Variants in PRCP observed in about 807,000 individuals in gnomAD.
PRCP encodes lysosomal Pro-X carboxypeptidase.
In PRCP, 46 loss-of-function variants were observed where a neutral mutation model predicts 54.2. The observed-to-expected ratio is 0.85, with a 90% CI of 0.67 to 1.09. The LOEUF is 1.09. Ranked by LOEUF, PRCP falls within the 50% of genes least tolerant of loss-of-function variation. The pLI is 0.00. For missense variants in PRCP, 613 were observed against 596.8 expected, an observed-to-expected ratio of 1.03 and a Z score of -0.28; for synonymous variants, 240 against 212.2, an observed-to-expected ratio of 1.13 and a Z score of -1.14.
At chr11:82,865,284 A>C (rs1391438526) in intron 1 of PRCP, among the ~76,000 whole-genome samples, 1 of 152,230 alleles carries the variant, frequency 6.6e-6, no homozygotes, top group Non-Finnish European at 1.5e-5. Context: ...GATAAAGCTG[A>C]CTATAAACTT....
chr11:82,871,521 C>T (rs4280021), intron 1 of PRCP, among the ~76,000 whole-genome samples: 83,030 of 152,024 alleles, frequency 0.55, 23,465 homozygotes, highest in African/African-American at 0.69. Flanking sequence ...ATTCTCCTGA[C>T]ACCACTGTTA....
In PRCP at chr11:82,842,753, C is replaced by T. The variant is rs3793984; in HGVS notation, c.922-3328G>A. 1.2e-4 allele frequency among the ~76,000 whole-genome samples: 18 copies of T among 151,998 alleles called. No individual in the cohort carries two copies. In the East Asian group the frequency reaches 3.5e-3, roughly 29 times the overall value. On this transcript the variant is annotated intron_variant, in intron 6 of 8. Coordinates refer to ENST00000313010, the MANE Select transcript of PRCP (RefSeq NM_005040.4). ...TTCTACTACTATGCTAGATAGAAAG[C>T]CTGAAAAAATGTCACTTAAAATTTT...
intron 1 of PRCP, among the ~76,000 whole-genome samples, chr11:82,876,658 T>C (rs1859609044): frequency 6.6e-6 from 1 of 152,124 alleles, no homozygotes; most frequent in African/African-American, 2.4e-5. Flanking sequence ...TTCCTCATTT[T>C]CTCTTGCCGC....
At position 82,825,310 on chromosome 11, in the gene PRCP, C is replaced by T. The variant is rs144521142; in HGVS notation, c.1275-188G>A. The stretch of plus-strand genomic sequence containing the variant: ...ATACTGGAGTTTTGCAATATTCATG[C>T]AACCAGGTGCAAAAAAAGAACCAGA... On this transcript the variant is annotated intron_variant, in intron 8 of 8. Transcript: ENST00000313010. 2.7e-4 allele frequency: 161 copies of T among 586,060 alleles called. No individual in the cohort carries two copies. In the African/African-American group the frequency reaches 2.8e-3, roughly 10 times the overall value. The allele number at this position is 586,060 out of a possible 1,614,324, so 36.3% of individuals were successfully genotyped here.
At chr11:82,899,102 T>C (rs1047561830) in intron 1 of PRCP, among the ~76,000 whole-genome samples, 2 of 152,222 alleles carry the variant, frequency 1.3e-5, no homozygotes, top group Non-Finnish European at 2.9e-5. Context: ...CTCACACCTG[T>C]AATCCCAACA....
upstream of PRCP, chr11:82,901,404 C>T (rs1442502376): frequency 6.1e-6 from 1 of 163,082 alleles, no homozygotes; most frequent in Non-Finnish European, 1.4e-5. Flanking sequence ...CCGGGTCTGG[C>T]TTCCAAAGCT....
intron 1 of PRCP, among the ~76,000 whole-genome samples, chr11:82,864,966 C>T (rs1859296423): frequency 6.6e-6 from 1 of 151,956 alleles, no homozygotes; most frequent in Admixed American, 6.6e-5. Flanking sequence ...AACTTGGGGA[C>T]AGCGGGGGTG....
intron 2 of PRCP, among the ~76,000 whole-genome samples, chr11:82,854,575 C>T (rs1262372148): frequency 6.6e-6 from 1 of 152,142 alleles, no homozygotes; most frequent in Non-Finnish European, 1.5e-5. Context: ...AATGGCCATA[C>T]TCCCCAAAGC....
intron 1 of PRCP, chr11:82,884,743 G>A: frequency 6.3e-7 from 1 of 1,593,562 alleles, no homozygotes; most frequent in Non-Finnish European, 8.5e-7. Flanking sequence ...GTGCCATCTT[G>A]GCCATTTATT....
At chr11:82,877,674 G>A (rs1055568734) in intron 1 of PRCP, among the ~76,000 whole-genome samples, 4 of 152,236 alleles carry the variant, frequency 2.6e-5, no homozygotes, top group African/African-American at 9.6e-5. Context: ...GGGATCCTCT[G>A]CCTAGATTTC....
rs1424696563 is a variant in PRCP at position 82,838,250 on chromosome 11, G to T, written c.1274+137C>A. 5.3e-6 allele frequency: 4 copies of T among 747,716 alleles called. No homozygotes were observed. The Admixed American group carries it at 9.9e-5, about 18-fold the overall frequency. 46.3% of individuals were successfully genotyped at this position (747,716 alleles called of 1,614,324 possible). On this transcript the variant is annotated intron_variant, in intron 8 of 8. Coordinates refer to ENST00000313010, the MANE Select transcript of PRCP (RefSeq NM_005040.4). ...CTCTTCTCAGCATCCTATCTTTCAAGGCATAGGAAAACATGACAGGTAGCA... is the reference window on the plus strand; with the variant it reads ...CTCTTCTCAGCATCCTATCTTTCAATGCATAGGAAAACATGACAGGTAGCA...
chr11:82,893,378 C>T (rs1332170776), intron 1 of PRCP, among the ~76,000 whole-genome samples: 1 of 152,152 alleles, frequency 6.6e-6, no homozygotes, highest in African/African-American at 2.4e-5. Flanking sequence ...CTGGATAATA[C>T]AAGCAAGCTA....
chr11:82,837,416 T>G (rs1374280160), intron 8 of PRCP, among the ~76,000 whole-genome samples: 1 of 152,214 alleles, frequency 6.6e-6, no homozygotes. Context: ...ATTGCCTACT[T>G]TAACAACTGT....
intron 2 of PRCP, chr11:82,858,322 C>G (rs1203441327): frequency 6.6e-6 from 1 of 152,204 alleles, no homozygotes; most frequent in Non-Finnish European, 1.5e-5. Flanking sequence ...AGCATTCAAA[C>G]CTTGTCTATC....
intron 2 of PRCP, among the ~76,000 whole-genome samples, chr11:82,856,880 C>CA (rs1859099116): frequency 2.0e-5 from 3 of 151,758 alleles, no homozygotes; most frequent in East Asian, 3.9e-4. Context: ...ACTAAAAATA[C>CA]AAAAAATTAG....
At chr11:82,862,312 A>G (rs1452081085) in intron 1 of PRCP, among the ~76,000 whole-genome samples, 1 of 152,228 alleles carries the variant, frequency 6.6e-6, no homozygotes, top group East Asian at 1.9e-4. Context: ...ATCAAATACT[A>G]TAACATGGTA....
chr11:82,828,726 A>T (rs889040725), intron 8 of PRCP: 1 of 152,204 alleles, frequency 6.6e-6, no homozygotes, highest in Non-Finnish European at 1.5e-5. Flanking sequence ...CTACCAAATA[A>T]TGTATCTAGC....
At chr11:82,860,626 A>G (rs1010662107) in intron 1 of PRCP, among the ~76,000 whole-genome samples, 2 of 152,144 alleles carry the variant, frequency 1.3e-5, no homozygotes, top group Non-Finnish European at 2.9e-5. Context: ...TTTTAAGTAT[A>G]TAATACATCC....
chr11:82,871,772 C>T (rs955098320), intron 1 of PRCP, among the ~76,000 whole-genome samples: 3 of 152,192 alleles, frequency 2.0e-5, no homozygotes, highest in African/African-American at 7.2e-5. Flanking sequence ...TTACTATTTC[C>T]CATATAACAC....
Sources: gnomAD v4.1 joint callset for allele counts (sites outside exome capture counted in the v4.1 genomes callset) on GRCh38, gnomAD v4.1.1 for gene constraint, MANE v1.5 for transcripts, NCBI Gene and HGNC (gene_info 2026-07-23, HGNC 2026-07-21) for gene names.